The following NOP14 variants were observed in gnomAD, a reference collection of about 807,000 sequenced individuals.
The protein encoded by NOP14 is nucleolar protein 14.
NOP14 carries 57 observed loss-of-function variants against 101.6 expected under a neutral mutation model. The observed-to-expected ratio is 0.56, with a 90% CI of 0.45 to 0.70. The LOEUF is 0.70. NOP14 is among the 30% of genes least tolerant of loss of function. NOP14 has a pLI of 0.00. For missense variants in NOP14, 1,134 were observed against 1,075.5 expected (o/e 1.05, Z -0.76); for synonymous variants, 428 against 424.0 (o/e 1.01, Z -0.12).
chr4:2,960,158 G>C (rs1715630066), intron 1 of NOP14, among the ~76,000 whole-genome samples: 2 of 152,090 alleles, frequency 1.3e-5, no homozygotes, highest in Admixed American at 1.3e-4. Flanking sequence ...TTTTAGTAGA[G>C]ATGGGGTTTC....
At position 2,953,383 on chromosome 4, in the gene NOP14, A is replaced by G. The variant is rs1715151809; in HGVS notation, c.747+128T>C. 4 of 926,912 alleles carry G rather than the reference A, an allele frequency of 4.3e-6. No individual in the cohort carries two copies. In the South Asian group the frequency reaches 6.5e-5, roughly 15 times the overall value. The allele number at this position is 926,912 out of a possible 1,614,324, so 57.4% of individuals were successfully genotyped here. ...TACACACAGCAGGTAATTCAGTATCAATGTTCAACAGAAACTTGCCCTAAA... is the reference window on the plus strand; with the variant it reads ...TACACACAGCAGGTAATTCAGTATCGATGTTCAACAGAAACTTGCCCTAAA... On this transcript the variant is annotated intron_variant, in intron 5 of 17. Transcript: ENST00000416614.
At chr4:2,949,706 G>A (rs1009189339) in intron 8 of NOP14, among the ~76,000 whole-genome samples, 25 of 152,124 alleles carry the variant, frequency 1.6e-4, no homozygotes, top group East Asian at 3.9e-4. Flanking sequence ...AGAGAGAGGC[G>A]CATCTGGCCC....
intron 2 of NOP14, 67 bp downstream of exon 2, chr4:2,957,539 C>A: frequency 1.9e-6 from 3 of 1,579,254 alleles, no homozygotes; most frequent in Admixed American, 1.7e-5. Context: ...CAGAGTCAGC[C>A]TTCTCCTTGG....
chr4:2,942,969 G>A (rs1714330274), intron 13 of NOP14, among the ~76,000 whole-genome samples: 1 of 152,186 alleles, frequency 6.6e-6, no homozygotes, highest in African/African-American at 2.4e-5. Flanking sequence ...GGAAGGCGTG[G>A]GTCAGGCCCC....
At position 2,957,672 on chromosome 4, in the gene NOP14, G is replaced by C; in HGVS notation, c.264C>G (p.Phe88Leu). The C allele has an allele frequency of 6.2e-7, 1 of 1,613,974 alleles. No individual in the cohort carries two copies. The highest frequency in any genetic ancestry group is 8.5e-7 in the Non-Finnish European group (1 of 1,179,946). ...DKSNVFRDKR[F>L]GEYNSNMSPE... ...GGCTCATGTTGCTGTTGTATTCTCC[G>C]AAGCGTTTATCTCTGAATACATTGG... Residue 88 changes from phenylalanine to leucine, a missense_variant, in exon 2 of 18, where the codon TTC (phenylalanine) becomes TTG (leucine). Coordinates refer to ENST00000416614, the MANE Select transcript of NOP14 (RefSeq NM_001291978.2).
At chr4:2,944,911 C>A (rs547052761) in intron 12 of NOP14, among the ~76,000 whole-genome samples, 2 of 152,252 alleles carry the variant, frequency 1.3e-5, no homozygotes, top group Non-Finnish European at 2.9e-5. Context: ...CCATCTGTAA[C>A]CTTGAGGTGC....
At chr4:2,963,085 C>A in intron 1 of NOP14, 40 bp downstream of exon 1, 1 of 1,496,554 alleles carries the variant, frequency 6.7e-7, no homozygotes, top group Non-Finnish European at 8.9e-7. Context: ...GCGTGGGGTC[C>A]AGATCCTGCC....
chr4:2,954,901 G>A (rs1715237361), intron 3 of NOP14, among the ~76,000 whole-genome samples: 2 of 151,958 alleles, frequency 1.3e-5, no homozygotes, highest in South Asian at 2.1e-4. Flanking sequence ...TGGTGGGAGC[G>A]TCGCCCAGGA....
rs1353956548 is a variant in NOP14 at position 2,942,239 on chromosome 4, C to G, written c.2004G>C (p.Trp668Cys). 1 of 1,614,178 alleles carries G rather than the reference C, an allele frequency of 6.2e-7. No homozygotes were observed. Among genetic ancestry groups the G allele is most frequent in the South Asian group, 1.1e-5 (1 of 91,086 alleles). Reference protein sequence around the residue: ...TWQQSSLSLRWASRLRAPTST... With the variant: ...TWQQSSLSLRCASRLRAPTST... ...AAGTTGGGGCCCTCAGTCTACTCGC[C>G]CAGCGGAGGGAGAGGCTGCTCTGCT... The change falls in exon 14 of 18, where the codon TGG becomes TGC. Residue 668 changes from tryptophan (W) to cysteine (C), a missense_variant. Physicochemically the swap from Trp to Cys is radical, Grantham distance 215 (BLOSUM62 -2). Coordinates refer to ENST00000416614, the MANE Select transcript of NOP14 (RefSeq NM_001291978.2).
At chr4:2,954,945 T>C (rs929036545) in intron 3 of NOP14, among the ~76,000 whole-genome samples, 5 of 151,976 alleles carry the variant, frequency 3.3e-5, no homozygotes, top group African/African-American at 9.7e-5. Flanking sequence ...CCCACCTCCC[T>C]GGGCAGGGCC....
chr4:2,956,846 C>G (rs1267423101), intron 2 of NOP14, 35 bp from the exon 3 acceptor site: 2 of 1,548,796 alleles, frequency 1.3e-6, no homozygotes, highest in South Asian at 1.2e-5. Flanking sequence ...CTAAAATTAC[C>G]ACTTCCATTT....
chr4:2,944,756 T>C (rs1254001916), intron 12 of NOP14, among the ~76,000 whole-genome samples: 1 of 152,326 alleles, frequency 6.6e-6, no homozygotes, highest in Middle Eastern at 3.4e-3. Context: ...AGCGTACGAT[T>C]ACTGCACTAA....
At position 2,963,162 on chromosome 4, in the gene NOP14, C is replaced by G; in HGVS notation, c.158G>C (p.Gly53Ala). Residue 53 changes from glycine (G) to alanine (A), a missense_variant, in exon 1 of 18, where the codon GGA (glycine) becomes GCA (alanine). Physicochemically the swap from Gly to Ala is moderately conservative, Grantham distance 60 (BLOSUM62 0). Transcript: ENST00000416614. Reference protein sequence around the residue: ...ILGRKTRHDVGLPGVSRARAL... With the variant: ...ILGRKTRHDVALPGVSRARAL... ...CCGTGCGCGAGACACCCCGGGCAGT[C>G]CCACGTCGTGGCGCGTCTTCCGGCC... 1.3e-6 allele frequency: 2 copies of G among 1,579,166 alleles called. No homozygotes were observed. Among genetic ancestry groups the G allele is most frequent in the Non-Finnish European group, 1.7e-6 (2 of 1,165,548 alleles).
Position 2,954,509 on chromosome 4 carries a change from GTCT to G in NOP14, c.524_526del (p.Lys175del). 1 of 1,614,144 alleles carries G rather than the reference GTCT, an allele frequency of 6.2e-7. No homozygotes were observed. Among genetic ancestry groups the G allele is most frequent in the Non-Finnish European group, 8.5e-7 (1 of 1,180,032 alleles). On this transcript the variant is annotated inframe_deletion, in exon 4 of 18. Coordinates refer to ENST00000416614, the MANE Select transcript of NOP14 (RefSeq NM_001291978.2). ...CTCCCGCTCCTCGCCTTCCTGTTGA[GTCT>G]TCTTGTGAAGGAGCCCACCGCCTCC...
At chr4:2,950,780 A>G (rs1714976004) in intron 7 of NOP14, 2 of 221,346 alleles carry the variant, frequency 9.0e-6, no homozygotes, top group Admixed American at 1.0e-4. Context: ...AGCTCCCTCA[A>G]TAGTATGATG....
At chr4:2,960,331 A>G (rs904791066) in intron 1 of NOP14, among the ~76,000 whole-genome samples, 2 of 151,990 alleles carry the variant, frequency 1.3e-5, no homozygotes, top group African/African-American at 4.8e-5. Flanking sequence ...ACTGGCTTCT[A>G]GCAGGAAGGG....
chr4:2,948,819 C>G (rs1714827612), intron 8 of NOP14, among the ~76,000 whole-genome samples: 1 of 152,216 alleles, frequency 6.6e-6, no homozygotes, highest in African/African-American at 2.4e-5. Context: ...TTTTATATAA[C>G]TATTCTACTT....
At chr4:2,939,796 G>A in intron 15 of NOP14, 151 bp from the exon 16 acceptor site, 6 of 702,870 alleles carry the variant, frequency 8.5e-6, no homozygotes, top group East Asian at 2.5e-5. Context: ...CCTACCGGTG[G>A]GCGGGGGGGT....
At chr4:2,961,868 C>T (rs1408961416) in intron 1 of NOP14, 3 of 152,220 alleles carry the variant, frequency 2.0e-5, no homozygotes, top group Non-Finnish European at 1.5e-5. Flanking sequence ...GCAGCAATTC[C>T]CGTCCCCGTC....
Sources: allele counts gnomAD v4.1 joint callset (sites outside exome capture counted in the v4.1 genomes callset), GRCh38; gene constraint gnomAD v4.1.1; transcripts MANE v1.5; gene names NCBI Gene and HGNC (gene_info 2026-07-23, HGNC 2026-07-21).